The following SPMIP7 variants were observed in gnomAD, a reference collection of about 807,000 sequenced individuals.
SPMIP7 encodes the protein sperm microtubule inner protein 7, also known as protein SPMIP7.
At chr7:50,154,007 T>G in the SPMIP7 span, among the ~76,000 whole-genome samples, 1 of 152,186 alleles carries the variant, frequency 6.6e-6, no homozygotes, top group African/African-American at 2.4e-5. Context: ...ATGAGAAACA[T>G]TTTAAAAGGA....
At chr7:50,150,788 A>G in the SPMIP7 span, among the ~76,000 whole-genome samples, 2 of 152,212 alleles carry the variant, frequency 1.3e-5, no homozygotes, top group African/African-American at 2.4e-5. Flanking sequence ...ACACTGAAGA[A>G]CGGCTTCTTC....
At chr7:50,116,785 A>G in the SPMIP7 span, among the ~76,000 whole-genome samples, 2 of 152,218 alleles carry the variant, frequency 1.3e-5, no homozygotes, top group Non-Finnish European at 2.9e-5. Context: ...AGAAATAACT[A>G]AGACTATTCT....
the SPMIP7 span, among the ~76,000 whole-genome samples, chr7:50,118,797 G>A: frequency 6.6e-6 from 1 of 152,142 alleles, no homozygotes; most frequent in African/African-American, 2.4e-5. Flanking sequence ...ATTTGATTGC[G>A]CTGGCTTTAA....
chr7:50,145,618 GTATATATATATATATA>G, the SPMIP7 span, among the ~76,000 whole-genome samples: 22 of 27,700 alleles, frequency 7.9e-4, 1 homozygote, highest in African/African-American at 2.4e-3. Context: ...ATATGTGTGT[GTATATATATATATATA>G]TATATATATA....
chr7:50,158,485 C>T, the SPMIP7 span, among the ~76,000 whole-genome samples: 1 of 150,204 alleles, frequency 6.7e-6, no homozygotes, highest in East Asian at 2.0e-4. Context: ...TCTGAGTGAC[C>T]CAGCCATGTC....
chr7:50,129,888 TG>T, the SPMIP7 span: 5 of 768,754 alleles, frequency 6.5e-6, no homozygotes, highest in Non-Finnish European at 1.1e-5. Context: ...CTGGATCTTA[TG>T]AGTGACACAG....
the SPMIP7 span, among the ~76,000 whole-genome samples, chr7:50,107,174 G>C: frequency 2.6e-5 from 4 of 151,838 alleles, no homozygotes; most frequent in Non-Finnish European, 5.9e-5. Flanking sequence ...TGGCCAACAT[G>C]GCAAAACCCC....
the SPMIP7 span, among the ~76,000 whole-genome samples, chr7:50,135,661 C>G: frequency 6.6e-6 from 1 of 152,196 alleles, no homozygotes; most frequent in East Asian, 1.9e-4. Context: ...CATTCCTTGC[C>G]GTTAAATTCT....
At chr7:50,112,523 A>C in the SPMIP7 span, among the ~76,000 whole-genome samples, 1 of 7,672 alleles carries the variant, frequency 1.3e-4, no homozygotes, top group African/African-American at 3.4e-4. Flanking sequence ...AAAGAAAAAT[A>C]AAAAAATGAT....
At chr7:50,096,871 A>G in the SPMIP7 span, among the ~76,000 whole-genome samples, 2 of 152,256 alleles carry the variant, frequency 1.3e-5, no homozygotes, top group Non-Finnish European at 2.9e-5. Context: ...AACACAAAGT[A>G]TATAACATTA....
the SPMIP7 span, among the ~76,000 whole-genome samples, chr7:50,125,727 G>A: frequency 4.6e-5 from 7 of 151,850 alleles, no homozygotes; most frequent in Admixed American, 4.6e-4. Context: ...ACCAGGCACA[G>A]AAACAGAAAT....
the SPMIP7 span, among the ~76,000 whole-genome samples, chr7:50,156,142 G>T: frequency 6.6e-6 from 1 of 152,210 alleles, no homozygotes; most frequent in African/African-American, 2.4e-5. Flanking sequence ...GCTTTCATAA[G>T]GACTGTGCCC....
chr7:50,105,630 C>T, the SPMIP7 span, among the ~76,000 whole-genome samples: 5 of 152,250 alleles, frequency 3.3e-5, no homozygotes, highest in African/African-American at 1.2e-4. Context: ...TCAATGCCTC[C>T]TTTACTCAAG....
At chr7:50,104,587 G>A in the SPMIP7 span, among the ~76,000 whole-genome samples, 1 of 152,078 alleles carries the variant, frequency 6.6e-6, no homozygotes, top group African/African-American at 2.4e-5. Flanking sequence ...TGCAATCAAT[G>A]TCTATTATGC....
At chr7:50,132,506 T>C in the SPMIP7 span, among the ~76,000 whole-genome samples, 2 of 152,160 alleles carry the variant, frequency 1.3e-5, no homozygotes, top group African/African-American at 4.8e-5. Flanking sequence ...TTTAAACATA[T>C]AAAGTATCCT....
the SPMIP7 span, among the ~76,000 whole-genome samples, chr7:50,133,086 C>T: frequency 1.3e-5 from 2 of 152,126 alleles, no homozygotes; most frequent in African/African-American, 4.8e-5. Context: ...GGGGATCCAT[C>T]TATCTTGTCA....
At chr7:50,158,846 C>T in the SPMIP7 span, among the ~76,000 whole-genome samples, 5 of 152,234 alleles carry the variant, frequency 3.3e-5, no homozygotes, top group East Asian at 9.7e-4. Context: ...ATCCCTAGCA[C>T]CCACCATAAT....
chr7:50,124,836 C>T, the SPMIP7 span, among the ~76,000 whole-genome samples: 1,063 of 152,014 alleles, frequency 7.0e-3, 4 homozygotes, highest in Non-Finnish European at 0.011. Context: ...TGGTGGCTCA[C>T]GCCTGTAATC....
the SPMIP7 span, among the ~76,000 whole-genome samples, chr7:50,148,028 G>A: frequency 6.6e-6 from 1 of 152,220 alleles, no homozygotes; most frequent in Non-Finnish European, 1.5e-5. Context: ...GTTCCCTCCA[G>A]CTGAAAAATA....
Sources: allele counts gnomAD v4.1 joint callset (sites outside exome capture counted in the v4.1 genomes callset), GRCh38; gene constraint gnomAD v4.1.1; transcripts MANE v1.5; gene names NCBI Gene and HGNC (gene_info 2026-07-23, HGNC 2026-07-21).